The following BHLHE41 variants were observed in gnomAD, a reference collection of about 807,000 sequenced individuals.
BHLHE41 encodes the protein basic helix-loop-helix family member e41, also known as class E basic helix-loop-helix protein 41.
BHLHE41 carries 14 observed loss-of-function variants against 24.0 expected under a neutral mutation model. That is an observed-to-expected ratio of 0.58 (90% confidence interval 0.39 to 0.91). The LOEUF (loss-of-function observed/expected upper bound fraction) is 0.91. Among genes scored for constraint, BHLHE41 ranks in the 40% least tolerant of loss-of-function variants. The pLI, the probability that BHLHE41 is intolerant of heterozygous loss-of-function variation, is 0.00. For synonymous variants in BHLHE41, 394 were observed against 315.5 expected (o/e 1.25, Z -2.64); for missense variants, 674 against 655.4 (o/e 1.03, Z -0.31).
chr12:26,123,898 T>C (rs1944337716), intron 3 of BHLHE41, 157 bp from the exon 4 acceptor site: 3 of 747,970 alleles, frequency 4.0e-6, no homozygotes, highest in Non-Finnish European at 7.0e-6. Flanking sequence ...TTATAAATGA[T>C]TTCTTGCCTT....
chr12:26,123,551 G>A lies in BHLHE41; in HGVS notation c.346+79C>T, dbSNP rs557511162. 1.9e-5 allele frequency: 18 copies of A among 970,116 alleles called. No individual in the cohort carries two copies. In the African/African-American group the frequency reaches 2.9e-4, roughly 15 times the overall value. 60.1% of individuals were successfully genotyped at this position (970,116 alleles called of 1,614,324 possible). A position where few individuals can be genotyped will look rare whatever the true frequency, so the allele number is the denominator to read the frequency against. On this transcript the variant is annotated intron_variant, in intron 4 of 4. Transcript: ENST00000242728. ...AGCCCACGGAAAGAGATGGGGTGCG[G>A]GTGAGGGAGTCCTGACACTGCTCCC... is the stretch of plus-strand genomic sequence containing the variant.
rs1398699807 is a variant in BHLHE41 at position 26,122,960 on chromosome 12, A to C, written c.555T>G (p.Pro185=). 6.4e-7 allele frequency: 1 copy of C among 1,559,794 alleles called. No homozygotes were observed. ...AGGGAGCGCCGGTGCCTTTGCTCAG[A>C]GGGACCTGTTGAGTCAACAGCTGCG... The part of the protein sequence containing the change: ...PTPQLLTQQV[P]LSKGTGAPSA... Residue 185 remains proline (P), a synonymous_variant, in exon 5 of 5, where the codon CCT becomes CCG. Coordinates refer to ENST00000242728, the MANE Select transcript of BHLHE41 (RefSeq NM_030762.3).
rs1944296497 is a variant in BHLHE41, at chr12:26,120,662, C to T, written c.*1404G>A. Reference sequence around the variant, plus strand: ...GGCTAAGAGTTTAACGTTGTTTAAACACAGCGTTTGAGGCAAACAGTAGCA... The same window carrying T: ...GGCTAAGAGTTTAACGTTGTTTAAATACAGCGTTTGAGGCAAACAGTAGCA... On this transcript the variant is annotated 3_prime_UTR_variant, in exon 5 of 5. Transcript: ENST00000242728. 1 of 152,636 alleles carries T rather than the reference C, an allele frequency of 6.6e-6. No individual in the cohort carries two copies. The highest frequency in any genetic ancestry group is 1.5e-5 in the Non-Finnish European group (1 of 68,052). The allele number at this position is 152,636 out of a possible 1,614,324, so 9.5% of individuals were successfully genotyped here. A position where few individuals can be genotyped will look rare whatever the true frequency, so the allele number is the denominator to read the frequency against.
chr12:26,122,415 A>T lies in BHLHE41; in HGVS notation c.1100T>A (p.Leu367Gln). The change falls in exon 5 of 5, where the codon CTG becomes CAG. Residue 367 changes from leucine (L) to glutamine (Q), a missense_variant. Coordinates refer to ENST00000242728, the MANE Select transcript of BHLHE41 (RefSeq NM_030762.3). ...ATACTTCTCCAGGCCGCTCTTGTCC[A>T]GGAAGGGCTGCACGTAGGCGGCAGC... ...SAAAAYVQPF[L>Q]DKSGLEKYLY... 7.6e-7 allele frequency: 1 copy of T among 1,318,198 alleles called. No homozygotes were observed. Among genetic ancestry groups the T allele is most frequent in the Non-Finnish European group, 9.8e-7 (1 of 1,023,950 alleles). The allele number at this position is 1,318,198 out of a possible 1,614,324, so 81.7% of individuals were successfully genotyped here.
chr12:26,121,777 T>G lies in BHLHE41; in HGVS notation c.*289A>C. ...AAGGGGGCAAAATTTATTTGGGGGA[T>G]TAAAAAAAAGAGCCAGTGTCTTTCG... On this transcript the variant is annotated 3_prime_UTR_variant, in exon 5 of 5. Coordinates refer to ENST00000242728, the MANE Select transcript of BHLHE41 (RefSeq NM_030762.3). The G allele has an allele frequency of 1.9e-6, 1 of 524,744 alleles. No homozygotes were observed. Among genetic ancestry groups the G allele is most frequent in the South Asian group, 2.4e-5 (1 of 41,024 alleles). 32.5% of individuals were successfully genotyped at this position (524,744 alleles called of 1,614,324 possible). A position where few individuals can be genotyped will look rare whatever the true frequency, so the allele number is the denominator to read the frequency against.
chr12:26,122,207 G>T lies in BHLHE41; in HGVS notation c.1308C>A (p.His436Gln). 1 of 1,378,826 alleles carries T rather than the reference G, an allele frequency of 7.3e-7. No individual in the cohort carries two copies. The highest frequency in any genetic ancestry group is 9.4e-7 in the Non-Finnish European group (1 of 1,068,696). The allele number at this position is 1,378,826 out of a possible 1,614,324, so 85.4% of individuals were successfully genotyped here. Residue 436 changes from histidine to glutamine, a missense_variant, in exon 5 of 5, where the codon CAC becomes CAA. Transcript: ENST00000242728. ...GCGGCGCCCCAAGGGGCGCCACCTC[G>T]TGCGGCAGGAGGGTCGCGGCGGCGG... is the stretch of plus-strand genomic sequence containing the variant. ...AGAAAATLLPHEVAPLGAPHP... is the reference protein window; with the variant it reads ...AGAAAATLLPQEVAPLGAPHP...
In BHLHE41 at chr12:26,122,048, C is replaced by G. The variant is rs1451661679; in HGVS notation, c.*18G>C. On this transcript the variant is annotated 3_prime_UTR_variant, in exon 5 of 5. Transcript: ENST00000242728. Reference sequence around the variant, plus strand: ...CTTCTCACTCTGCTTGAACCTCCGTCCTTCGGGACGCAAGGATTCAGGGAG... The same window carrying G: ...CTTCTCACTCTGCTTGAACCTCCGTGCTTCGGGACGCAAGGATTCAGGGAG... 2 of 1,549,184 alleles carry G rather than the reference C, an allele frequency of 1.3e-6. No homozygotes were observed. The highest frequency in any genetic ancestry group is 1.7e-6 in the Non-Finnish European group (2 of 1,146,226).
rs780571312 is a variant in BHLHE41, at chr12:26,122,647, C to T, written c.868G>A (p.Gly290Ser). 2.2e-6 allele frequency: 3 copies of T among 1,337,180 alleles called. No homozygotes were observed. The highest frequency in any genetic ancestry group is 4.8e-5 in the South Asian group (2 of 41,814). 82.8% of individuals were successfully genotyped at this position (1,337,180 alleles called of 1,614,324 possible). A position where few individuals can be genotyped will look rare whatever the true frequency, so the allele number is the denominator to read the frequency against. ...MKLDSRGGGS[G>S]GGPGGGAAAA... ...GCCGCGCCGCCCCCCGGGCCGCCGC[C>T]GCTGCCGCCGCCGCGGGAATCCAGC... Residue 290 changes from glycine (G) to serine (S), a missense_variant, in exon 5 of 5, where the codon GGC becomes AGC. By Grantham distance (56) the Gly-to-Ser change is moderately conservative. This residue lies in a region of BHLHE41 where 602 missense variants were observed against 570.8 expected (regional missense o/e 1.05). Coordinates refer to ENST00000242728, the MANE Select transcript of BHLHE41 (RefSeq NM_030762.3).
Position 26,124,937 on chromosome 12 carries a change from T to TCC in BHLHE41, c.-160_-159dup, listed in dbSNP as rs200202440. Reference sequence around the variant, plus strand: ...AGTGTTGAAAGTGTGAAGCAGTTGGTCCCCCCCCTCCACCGCGCTCGCACA... The same window carrying TCC: ...AGTGTTGAAAGTGTGAAGCAGTTGGTCCCCCCCCCCTCCACCGCGCTCGCACA... On this transcript the variant is annotated 5_prime_UTR_variant, in exon 1 of 5. Coordinates refer to ENST00000242728, the MANE Select transcript of BHLHE41 (RefSeq NM_030762.3). 4 of 751,464 alleles carry TCC rather than the reference T, an allele frequency of 5.3e-6. No individual in the cohort carries two copies. Among genetic ancestry groups the TCC allele is most frequent in the African/African-American group, 1.7e-5 (1 of 57,634 alleles). The allele number at this position is 751,464 out of a possible 1,614,324, so 46.5% of individuals were successfully genotyped here.
Position 26,122,315 on chromosome 12 carries a change from T to G in BHLHE41, c.1200A>C (p.Ala400=), listed in dbSNP as rs1457701927. 1.5e-5 allele frequency: 17 copies of G among 1,142,126 alleles called. No individual in the cohort carries two copies. The South Asian group carries it at 3.1e-4, about 21-fold the overall frequency. The allele number at this position is 1,142,126 out of a possible 1,614,324, so 70.7% of individuals were successfully genotyped here. Residue 400 remains alanine (A), a synonymous_variant, in exon 5 of 5, where the codon GCA becomes GCC. Transcript: ENST00000242728. ...PGIPAPAAAA[A]AAAAAAAAAA... is the part of the protein sequence containing the mutation. ...CGGCGGCGGCAGCGGCGGCGGCGGC[T>G]GCCGCGGCTGCCGCCGGGGCGGGGA... is the stretch of plus-strand genomic sequence containing the variant.
rs762782954 is a variant in BHLHE41, at chr12:26,122,691, G to A, written c.824C>T (p.Pro275Leu). ...IKQEPPGEDS[P>L]APKRMKLDSR... ...ATCCAGCTTCATCCTCTTGGGCGCC[G>A]GCGAGTCCTCCCCGGGAGGCTCCTG... The change falls in exon 5 of 5, where the codon CCG becomes CTG. Residue 275 changes from proline to leucine, a missense_variant. Around this residue, in one of 3 missense-constraint regions of BHLHE41, gnomAD observed 602 missense variants for 570.8 expected, o/e 1.05. Coordinates refer to ENST00000242728, the MANE Select transcript of BHLHE41 (RefSeq NM_030762.3). 5 of 1,562,034 alleles carry A rather than the reference G, an allele frequency of 3.2e-6. No individual in the cohort carries two copies. Among genetic ancestry groups the A allele is most frequent in the Admixed American group, 3.7e-5 (2 of 54,550 alleles).
Position 26,121,672 on chromosome 12 carries a change from TA to T in BHLHE41, c.*393del, listed in dbSNP as rs1944306084. On this transcript the variant is annotated 3_prime_UTR_variant, in exon 5 of 5. Transcript: ENST00000242728. Reference sequence around the variant, plus strand: ...TCTTTCCCCTACCCCGGGGTTCACCTAGCTCAGCCACAGAACAGACCCTTCT... The same window carrying T: ...TCTTTCCCCTACCCCGGGGTTCACCTGCTCAGCCACAGAACAGACCCTTCT... The T allele has an allele frequency of 9.5e-6, 2 of 211,614 alleles. No homozygotes were observed. The highest frequency in any genetic ancestry group is 4.7e-5 in the African/African-American group (2 of 42,998). The allele number at this position is 211,614 out of a possible 1,614,324, so 13.1% of individuals were successfully genotyped here.
rs564502601 is a variant in BHLHE41, at chr12:26,120,261, G to A, written c.*1805C>T. On this transcript the variant is annotated 3_prime_UTR_variant, in exon 5 of 5. Coordinates refer to ENST00000242728, the MANE Select transcript of BHLHE41 (RefSeq NM_030762.3). The stretch of plus-strand genomic sequence containing the variant: ...TTTAATTATTAGACAATATCATATC[G>A]TATATTAAAGTTTTTATTCCTTAGT... 2.1e-4 allele frequency: 32 copies of A among 152,528 alleles called. No individual in the cohort carries two copies. The East Asian group carries it at 2.3e-3, about 11-fold the overall frequency. 9.4% of individuals were successfully genotyped at this position (152,528 alleles called of 1,614,324 possible).
chr12:26,124,247 T>A, intron 2 of BHLHE41, 68 bp from the exon 3 acceptor site: 1 of 940,864 alleles, frequency 1.1e-6, no homozygotes. Context: ...GATATTACCC[T>A]CGTCTGCCCC....
intron 2 of BHLHE41, 133 bp from the exon 3 acceptor site, chr12:26,124,312 C>G (rs1333975070): frequency 2.9e-6 from 2 of 682,566 alleles, no homozygotes; most frequent in Non-Finnish European, 4.9e-6. Flanking sequence ...CAAGAAACCT[C>G]TTTCCTCTGG....
chr12:26,123,399 G>A (rs1944332742), intron 4 of BHLHE41, among the ~76,000 whole-genome samples: 1 of 152,204 alleles, frequency 6.6e-6, no homozygotes, highest in Non-Finnish European at 1.5e-5. Flanking sequence ...AGTGGAGCGG[G>A]TGCAACCGCC....
chr12:26,124,253 G>A, intron 2 of BHLHE41, 74 bp from the exon 3 acceptor site: 1 of 785,906 alleles, frequency 1.3e-6, no homozygotes. Context: ...ACCCTCGTCT[G>A]CCCCCCCCGC....
intron 4 of BHLHE41, 41 bp downstream of exon 4, chr12:26,123,589 C>G (rs1400903877): frequency 1.4e-6 from 2 of 1,436,178 alleles, no homozygotes; most frequent in Non-Finnish European, 2.0e-6. Flanking sequence ...GTGGGCTGCC[C>G]CGCTTCATCA....
chr12:26,121,018 G>GA lies in BHLHE41; in HGVS notation c.*1047dup, dbSNP rs889151402. ...TTTCGTTCACTTTTGAATTTTAACA[G>GA]AATATAGGATATATCAGTTTGGACT... On this transcript the variant is annotated 3_prime_UTR_variant, in exon 5 of 5. Transcript: ENST00000242728. The GA allele has an allele frequency of 1.3e-5, 2 of 152,604 alleles. No individual in the cohort carries two copies. Among genetic ancestry groups the GA allele is most frequent in the Non-Finnish European group, 2.9e-5 (2 of 68,030 alleles). The allele number at this position is 152,604 out of a possible 1,614,324, so 9.5% of individuals were successfully genotyped here.
Sources: allele counts gnomAD v4.1 joint callset (sites outside exome capture counted in the v4.1 genomes callset), GRCh38; gene constraint gnomAD v4.1.1; regional missense constraint gnomAD v4.1.1; transcripts MANE v1.5; gene names NCBI Gene and HGNC (gene_info 2026-07-23, HGNC 2026-07-21).